Variants in CLDN16 observed in about 807,000 individuals in gnomAD.
The protein encoded by CLDN16 is claudin 16.
A neutral mutation model predicts 24.6 loss-of-function variants in CLDN16; 13 were observed. The ratio of observed to expected loss-of-function variants is 0.53; its 90% CI spans 0.34 to 0.84. CLDN16 has a LOEUF of 0.84. CLDN16 is among the 40% of genes least tolerant of loss of function. The pLI is 0.01. For missense variants in CLDN16, 298 were observed against 292.7 expected, an observed-to-expected ratio of 1.02 and a Z score of -0.13; for synonymous variants, 116 against 106.7, an observed-to-expected ratio of 1.09 and a Z score of -0.54.
chr3:190,364,454 G>A (rs555915247), intron 1 of CLDN16, among the ~76,000 whole-genome samples: 1 of 151,980 alleles, frequency 6.6e-6, no homozygotes, highest in African/African-American at 2.4e-5. Context: ...GCTGCTGATG[G>A]GTAGCTCTGG....
upstream of CLDN16, among the ~76,000 whole-genome samples, chr3:190,320,504 G>T (rs1716890775): frequency 6.6e-6 from 1 of 152,082 alleles, no homozygotes. Context: ...TAAACTTATG[G>T]ATTGGTTTTG....
At chr3:190,380,151 TC>T (rs370174932) in intron 3 of CLDN16, among the ~76,000 whole-genome samples, 229 of 9,460 alleles carry the variant, frequency 0.024, 17 homozygotes, top group African/African-American at 0.089. Context: ...TTTTCTTCCT[TC>T]CCTCCCTTCC....
the CLDN16 span, chr3:190,308,420 G>A: frequency 1.9e-6 from 3 of 1,613,676 alleles, no homozygotes; most frequent in Non-Finnish European, 2.5e-6. Context: ...CCAGTGAAGA[G>A]AGCCTGACCA....
At chr3:190,354,172 C>T (rs531429754) in intron 1 of CLDN16, among the ~76,000 whole-genome samples, 6 of 152,020 alleles carry the variant, frequency 3.9e-5, no homozygotes, top group Admixed American at 3.9e-4. Context: ...ATTTAGGTCT[C>T]ATCTTGATAA....
chr3:190,375,823 C>G (rs1328864104), intron 3 of CLDN16, among the ~76,000 whole-genome samples: 1 of 151,772 alleles, frequency 6.6e-6, no homozygotes. Context: ...TCTTCTTTCA[C>G]TGATTCTTGT....
intron 1 of CLDN16, among the ~76,000 whole-genome samples, chr3:190,363,552 GTGTGTATA>G (rs1294675234): frequency 1.6e-4 from 2 of 12,132 alleles, no homozygotes; most frequent in African/African-American, 2.6e-4. Context: ...GTGTGTGTGT[GTGTGTATA>G]TATATATATA....
At chr3:190,388,496 A>G (rs1432809979) in intron 1 of CLDN16, 53 bp downstream of exon 1, 9 of 1,468,388 alleles carry the variant, frequency 6.1e-6, no homozygotes, top group Non-Finnish European at 8.6e-6. Flanking sequence ...AATTTTCGCT[A>G]AGTCCCAACT....
chr3:190,381,840 C>T (rs965460188), intron 3 of CLDN16, among the ~76,000 whole-genome samples: 3 of 151,978 alleles, frequency 2.0e-5, no homozygotes, highest in African/African-American at 7.2e-5. Flanking sequence ...TTCAGTGTTT[C>T]CTTGCCCAAC....
intron 1 of CLDN16, among the ~76,000 whole-genome samples, chr3:190,345,295 T>C (rs1717526816): frequency 6.6e-6 from 1 of 152,126 alleles, no homozygotes; most frequent in African/African-American, 2.4e-5. Flanking sequence ...TTTGTGATAT[T>C]TCTCAGTTTA....
At chr3:190,357,987 T>C (rs1368858550) in intron 1 of CLDN16, among the ~76,000 whole-genome samples, 1 of 151,904 alleles carries the variant, frequency 6.6e-6, no homozygotes. Context: ...CCCTGGGTCA[T>C]GGGAACTAGC....
intron 1 of CLDN16, among the ~76,000 whole-genome samples, chr3:190,346,978 C>CG (rs1222891525): frequency 6.6e-6 from 1 of 152,096 alleles, no homozygotes. Flanking sequence ...GAGGTTTGGG[C>CG]GGGGGGACAC....
rs1343544947 is a variant in CLDN16 at position 190,406,843 on chromosome 3, G to A, written c.383-1471G>A. Among the ~76,000 whole-genome samples the A allele has an allele frequency of 6.1e-5, 9 of 146,884 alleles. No individual in the cohort carries two copies. In the Admixed American group the frequency reaches 6.3e-4, roughly 10 times the overall value. On this transcript the variant is annotated intron_variant, in intron 3 of 4. Transcript: ENST00000264734. ...TGCAAGCTCCACCTCCTGGGTTCACGCCATTCTCCTGCCTCAGCCTCCCAA... is the reference window on the plus strand; with the variant it reads ...TGCAAGCTCCACCTCCTGGGTTCACACCATTCTCCTGCCTCAGCCTCCCAA...
chr3:190,299,618 ATGTT>A, the CLDN16 span, among the ~76,000 whole-genome samples: 2 of 152,016 alleles, frequency 1.3e-5, no homozygotes, highest in Admixed American at 1.3e-4. Context: ...GTTAGAGACC[ATGTT>A]TGTTTGTTTG....
At chr3:190,389,337 A>G (rs562410432) in intron 1 of CLDN16, among the ~76,000 whole-genome samples, 2 of 152,332 alleles carry the variant, frequency 1.3e-5, no homozygotes, top group Admixed American at 1.3e-4. Context: ...TTTGCTTTTT[A>G]ATGTGCATCC....
chr3:190,304,401 C>T, the CLDN16 span, among the ~76,000 whole-genome samples: 14 of 152,152 alleles, frequency 9.2e-5, no homozygotes, highest in Non-Finnish European at 1.3e-4. Context: ...TTTAATGAGG[C>T]TGGCCCTGTG....
the CLDN16 span, among the ~76,000 whole-genome samples, chr3:190,296,742 G>C: frequency 6.6e-6 from 1 of 151,802 alleles, no homozygotes; most frequent in Non-Finnish European, 1.5e-5. Flanking sequence ...GTAGAGGTGG[G>C]GGTTTCACCG....
At chr3:190,408,178 C>T (rs958223859) in intron 3 of CLDN16, 136 bp from the exon 4 acceptor site, 7 of 832,670 alleles carry the variant, frequency 8.4e-6, no homozygotes, top group Admixed American at 5.2e-5. Flanking sequence ...GTCCGAAGTT[C>T]GGGTTGCCCA....
At chr3:190,370,991 C>T (rs1230293885) in exon 2 of CLDN16, 2 of 144,906 alleles carry the variant, frequency 1.4e-5, no homozygotes, top group Non-Finnish European at 3.0e-5. Context: ...ACTGTGGGAT[C>T]TTGTGATCAT....
At chr3:190,387,335 G>T (rs1718527614), upstream of CLDN16, among the ~76,000 whole-genome samples, 1 of 149,544 alleles carries the variant, frequency 6.7e-6, no homozygotes, top group Non-Finnish European at 1.5e-5. Context: ...TTACAAAAAA[G>T]AAACACACTT....
Sources: gnomAD v4.1 joint callset for allele counts (sites outside exome capture counted in the v4.1 genomes callset) on GRCh38, gnomAD v4.1.1 for gene constraint, MANE v1.5 for transcripts, NCBI Gene and HGNC (gene_info 2026-07-23, HGNC 2026-07-21) for gene names.